The following NUP214 variants were observed in gnomAD, a reference collection of about 807,000 sequenced individuals.
The protein encoded by NUP214 is nuclear pore complex protein Nup214.
NUP214 carries 79 observed loss-of-function variants against 196.2 expected under a neutral mutation model. That is an observed-to-expected ratio of 0.40 (90% confidence interval 0.34 to 0.49). NUP214 has a LOEUF of 0.49. Ranked by LOEUF, NUP214 falls within the 20% of genes least tolerant of loss-of-function variation. The pLI, the probability that NUP214 is intolerant of heterozygous loss-of-function variation, is 0.58. For synonymous variants in NUP214, 1,020 were observed against 990.5 expected, an observed-to-expected ratio of 1.03 and a Z score of -0.56; for missense variants, 2,468 against 2,539.0, an observed-to-expected ratio of 0.97 and a Z score of 0.60.
intron 32 of NUP214, 131 bp downstream of exon 32, chr9:131,223,061 C>T (rs112773839): frequency 0.025 from 18,126 of 717,442 alleles, 265 homozygotes; most frequent in South Asian, 0.028. Flanking sequence ...TAACTGTTTC[C>T]TCCGCATTAT....
chr9:131,133,249 G>A (rs752134727), intron 7 of NUP214, 40 bp downstream of exon 7: 33 of 1,242,978 alleles, frequency 2.7e-5, no homozygotes, highest in Non-Finnish European at 3.5e-5. Flanking sequence ...GAGAATTAGA[G>A]AAGTCTTCTA....
intron 23 of NUP214, among the ~76,000 whole-genome samples, chr9:131,176,274 T>C (rs1833115284): frequency 6.6e-6 from 1 of 152,122 alleles, no homozygotes; most frequent in Non-Finnish European, 1.5e-5. Flanking sequence ...AACCCTCTGC[T>C]CTTTTTCAGT....
chr9:131,189,111 C>A lies in NUP214; in HGVS notation c.3554C>A (p.Ser1185Ter), dbSNP rs1392312985. 6.2e-7 allele frequency: 1 copy of A among 1,614,018 alleles called. No homozygotes were observed. ...CCTACACCAGCATCCGGTCAGTTAT[C>A]ATCTGGTGACAAAGCTTCAGGTCAG... ...SGPTPASGQLSSGDKASGTAK... is the reference protein window; with the variant it reads ...SGPTPASGQL The change falls in exon 26 of 36, where the codon TCA (serine) becomes TAA (stop). Residue 1185 changes from serine to a stop codon, truncating the protein, a stop_gained. Transcript: ENST00000359428. LOFTEE classifies it high-confidence loss of function.
In NUP214 at chr9:131,233,560, C is replaced by T; in HGVS notation, c.*73C>T. 1 of 1,570,848 alleles carries T rather than the reference C, an allele frequency of 6.4e-7. No individual in the cohort carries two copies. Among genetic ancestry groups the T allele is most frequent in the Non-Finnish European group, 8.7e-7 (1 of 1,144,650 alleles). On this transcript the variant is annotated 3_prime_UTR_variant, in exon 36 of 36. Transcript: ENST00000359428. ...GCTTCTTCCCCGAGAAATGCTGGAGCAGGCTGTTCAGACCGACGTTGCCAT... is the reference window on the plus strand; with the variant it reads ...GCTTCTTCCCCGAGAAATGCTGGAGTAGGCTGTTCAGACCGACGTTGCCAT...
At chr9:131,168,482 A>G (rs1034930398) in intron 21 of NUP214, among the ~76,000 whole-genome samples, 1 of 152,180 alleles carries the variant, frequency 6.6e-6, no homozygotes, top group Non-Finnish European at 1.5e-5. Flanking sequence ...TCCATCACTT[A>G]AAAAGTTTCC....
At chr9:131,223,821 G>C (rs1834649241) in intron 32 of NUP214, among the ~76,000 whole-genome samples, 1 of 140,536 alleles carries the variant, frequency 7.1e-6, no homozygotes, top group Non-Finnish European at 1.5e-5. Context: ...TGCAAGCTCT[G>C]CCTCCTGGGT....
chr9:131,213,613 A>G (rs1027933202), intron 30 of NUP214, among the ~76,000 whole-genome samples: 7 of 152,146 alleles, frequency 4.6e-5, no homozygotes, highest in East Asian at 1.9e-4. Context: ...TACCTTCCAC[A>G]TGCATGCATT....
chr9:131,135,051 C>A, intron 8 of NUP214, 47 bp downstream of exon 8: 1 of 1,254,942 alleles, frequency 8.0e-7, no homozygotes, highest in Non-Finnish European at 1.2e-6. Flanking sequence ...ACTGGAAGAT[C>A]ACACCTGAGT....
At chr9:131,208,419 C>T (rs890669789) in intron 30 of NUP214, among the ~76,000 whole-genome samples, 4 of 152,186 alleles carry the variant, frequency 2.6e-5, no homozygotes, top group African/African-American at 4.8e-5. Context: ...AGTTCTTGGC[C>T]GGGTGCAGTG....
intron 26 of NUP214, 54 bp downstream of exon 26, chr9:131,189,185 G>A: frequency 7.2e-7 from 1 of 1,384,572 alleles, no homozygotes; most frequent in Non-Finnish European, 1.0e-6. Context: ...CCACAATAGG[G>A]GTTATTGTTC....
intron 24 of NUP214, among the ~76,000 whole-genome samples, chr9:131,184,211 A>G (rs1463164045): frequency 6.6e-6 from 1 of 150,640 alleles, no homozygotes; most frequent in Non-Finnish European, 1.5e-5. Flanking sequence ...TTGTATTTTT[A>G]GTAGAGACGG....
intron 14 of NUP214, among the ~76,000 whole-genome samples, chr9:131,147,954 A>C (rs1437930455): frequency 6.6e-6 from 1 of 152,246 alleles, no homozygotes; most frequent in Non-Finnish European, 1.5e-5. Context: ...TGGGAGGCCA[A>C]GGCGGGCGGA....
intron 23 of NUP214, among the ~76,000 whole-genome samples, chr9:131,176,086 G>A (rs1833107498): frequency 6.6e-6 from 1 of 152,042 alleles, no homozygotes. Context: ...GGGAGGCTGA[G>A]GTGGGAGGAT....
At chr9:131,139,502 C>T (rs1412705435) in intron 10 of NUP214, 95 bp downstream of exon 10, 24 of 1,529,314 alleles carry the variant, frequency 1.6e-5, no homozygotes, top group Non-Finnish European at 1.0e-5. Context: ...AGAGTCTACT[C>T]TGCTGGGCAC....
rs570057564 is a variant in NUP214, at chr9:131,146,175, G to A, written c.1816G>A (p.Ala606Thr). 12 of 1,614,060 alleles carry A rather than the reference G, an allele frequency of 7.4e-6. No individual in the cohort carries two copies. Among genetic ancestry groups the A allele is most frequent in the East Asian group, 6.7e-5 (3 of 44,872 alleles). ...TSTPVSSSQS[A>T]PPMSPFSSAS... ...TACTCCTGTTAGTAGCTCCCAGAGC[G>A]CACCCCCGATGTCGCCATTCTCTTC... The change falls in exon 13 of 36, where the codon GCA becomes ACA. Residue 606 changes from alanine (A) to threonine (T), a missense_variant. Coordinates refer to ENST00000359428, the MANE Select transcript of NUP214 (RefSeq NM_005085.4). This position sits in a 1 kb window ranked among gnomAD's most constrained non-coding sequence, Gnocchi z 4.6.
chr9:131,205,306 A>T (rs1040076067), intron 30 of NUP214, among the ~76,000 whole-genome samples: 2 of 152,254 alleles, frequency 1.3e-5, no homozygotes, highest in South Asian at 2.1e-4. Flanking sequence ...AAAGAAAGAC[A>T]GCTATACCCA....
chr9:131,184,835 G>A (rs1354073802), intron 24 of NUP214, among the ~76,000 whole-genome samples: 3 of 152,130 alleles, frequency 2.0e-5, no homozygotes, highest in African/African-American at 4.8e-5. Flanking sequence ...TATTTCCATC[G>A]ACAGATGTCA....
intron 9 of NUP214, among the ~76,000 whole-genome samples, chr9:131,138,835 T>C (rs1362456059): frequency 2.0e-5 from 3 of 152,308 alleles, no homozygotes; most frequent in Admixed American, 1.3e-4. Context: ...CAGCCTTACA[T>C]GCTTCTCTGT....
At chr9:131,231,071 A>G (rs1834863693) in intron 34 of NUP214, among the ~76,000 whole-genome samples, 1 of 152,142 alleles carries the variant, frequency 6.6e-6, no homozygotes, top group Admixed American at 6.5e-5. Context: ...CTGAAGCAGG[A>G]GGATCACTTG....
Sources: gnomAD v4.1 joint callset for allele counts (sites outside exome capture counted in the v4.1 genomes callset) on GRCh38, gnomAD v4.1.1 for gene constraint, Gnocchi (gnomAD v3.1) non-coding constraint, MANE v1.5 for transcripts, NCBI Gene and HGNC (gene_info 2026-07-23, HGNC 2026-07-21) for gene names.